The following CPNE8 variants were observed in gnomAD, a reference collection of about 807,000 sequenced individuals.
CPNE8 encodes the protein copine-8.
A neutral mutation model predicts 81.5 loss-of-function variants in CPNE8; 45 were observed. The ratio of observed to expected loss-of-function variants is 0.55; its 90% CI spans 0.44 to 0.71. CPNE8 has a LOEUF of 0.71. Ranked by LOEUF, CPNE8 falls within the 30% of genes least tolerant of loss-of-function variation. The pLI, the probability that CPNE8 is intolerant of heterozygous loss-of-function variation, is 0.00. For missense variants in CPNE8, 594 were observed against 672.1 expected (o/e 0.88, Z 1.28); for synonymous variants, 252 against 226.3 (o/e 1.11, Z -1.02).
At chr12:38,830,895 C>T (rs1943275828) in intron 5 of CPNE8, among the ~76,000 whole-genome samples, 1 of 152,112 alleles carries the variant, frequency 6.6e-6, no homozygotes, top group African/African-American at 2.4e-5. Flanking sequence ...TATGCCAAGC[C>T]ATGCTGCCTC....
At chr12:38,831,589 A>T (rs1298119833) in intron 5 of CPNE8, among the ~76,000 whole-genome samples, 2 of 152,266 alleles carry the variant, frequency 1.3e-5, no homozygotes, top group Non-Finnish European at 2.9e-5. Flanking sequence ...ATTAAACTGC[A>T]AATCACTTTA....
At chr12:38,794,821 G>A (rs1368931772) in intron 6 of CPNE8, among the ~76,000 whole-genome samples, 1 of 152,132 alleles carries the variant, frequency 6.6e-6, no homozygotes, top group South Asian at 2.1e-4. Context: ...TATTGTTGCT[G>A]GGAGTGTCTG....
At chr12:38,714,039 C>T (rs1033830872) in intron 13 of CPNE8, among the ~76,000 whole-genome samples, 7 of 151,922 alleles carry the variant, frequency 4.6e-5, no homozygotes, top group Non-Finnish European at 8.8e-5. Context: ...TCCTTAGTTA[C>T]GGGGATGGGG....
At chr12:38,791,634 G>T (rs1354604410) in intron 6 of CPNE8, among the ~76,000 whole-genome samples, 1 of 151,394 alleles carries the variant, frequency 6.6e-6, no homozygotes, top group Non-Finnish European at 1.5e-5. Flanking sequence ...AAAACAGAAA[G>T]AAAATAATAT....
chr12:38,851,642 T>C (rs756896453), intron 3 of CPNE8, among the ~76,000 whole-genome samples: 15 of 152,236 alleles, frequency 9.9e-5, no homozygotes, highest in Non-Finnish European at 2.2e-4. Context: ...CCTCCTAACT[T>C]ACATTTCTGC....
chr12:38,790,401 C>G (rs1942294206), intron 6 of CPNE8, among the ~76,000 whole-genome samples: 1 of 151,532 alleles, frequency 6.6e-6, no homozygotes, highest in South Asian at 2.1e-4. Flanking sequence ...AACAATTGAG[C>G]TCATAAGACA....
At chr12:38,777,250 CA>C (rs563156425) in intron 6 of CPNE8, among the ~76,000 whole-genome samples, 213 of 147,254 alleles carry the variant, frequency 1.4e-3, no homozygotes, top group African/African-American at 5.2e-3. Context: ...TAGTTTTTAA[CA>C]AAAAAAAGTT....
At chr12:38,771,777 C>G (rs1941810207) in intron 7 of CPNE8, among the ~76,000 whole-genome samples, 1 of 152,068 alleles carries the variant, frequency 6.6e-6, no homozygotes, top group African/African-American at 2.4e-5. Context: ...GGATATGATA[C>G]AAAAGCATAG....
chr12:38,798,981 T>C (rs953817986), intron 6 of CPNE8, among the ~76,000 whole-genome samples: 2 of 152,126 alleles, frequency 1.3e-5, no homozygotes, highest in Non-Finnish European at 2.9e-5. Context: ...AAGGGATCAA[T>C]TCAATAAGAA....
chr12:38,656,322 T>TAC lies in CPNE8; in HGVS notation c.1507-2253_1507-2252insGT, dbSNP rs1565556212. Among the ~76,000 whole-genome samples, 4 of 28,476 alleles carry TAC rather than the reference T, an allele frequency of 1.4e-4. No homozygotes were observed. The Admixed American group carries it at 2.4e-3, about 17-fold the overall frequency. The allele number at this position is 28,476 out of a possible 152,430, so 18.7% of individuals were successfully genotyped here. A position where few individuals can be genotyped will look rare whatever the true frequency, so the allele number is the denominator to read the frequency against. On this transcript the variant is annotated intron_variant, in intron 19 of 19. Transcript: ENST00000331366. ...AGTATACATGCAGTGGTCTTTAGAC[T>TAC]TTTTTTTTTTTTTGAAGAGTTTTTT...
chr12:38,674,254 C>A (rs2136646755), intron 18 of CPNE8, among the ~76,000 whole-genome samples: 1 of 152,132 alleles, frequency 6.6e-6, no homozygotes, highest in Non-Finnish European at 1.5e-5. Context: ...AGTGGCTTTG[C>A]ATTTATGAAT....
At chr12:38,701,151 A>T (rs573920042) in intron 14 of CPNE8, among the ~76,000 whole-genome samples, 1 of 152,182 alleles carries the variant, frequency 6.6e-6, no homozygotes, top group Non-Finnish European at 1.5e-5. Flanking sequence ...GCTGGGAAGT[A>T]ACCTTCTTTC....
At chr12:38,791,732 A>G (rs1942328280) in intron 6 of CPNE8, among the ~76,000 whole-genome samples, 1 of 151,684 alleles carries the variant, frequency 6.6e-6, no homozygotes, top group African/African-American at 2.4e-5. Context: ...CTATAGACCA[A>G]CTGGACTTAA....
At chr12:38,784,414 TA>T (rs1306564943) in intron 6 of CPNE8, among the ~76,000 whole-genome samples, 1 of 152,072 alleles carries the variant, frequency 6.6e-6, no homozygotes, top group Non-Finnish European at 1.5e-5. Flanking sequence ...ACTGGCCTTT[TA>T]AAAAGGAGGC....
chr12:38,664,204 A>C (rs1399039180), intron 19 of CPNE8, among the ~76,000 whole-genome samples: 1 of 152,134 alleles, frequency 6.6e-6, no homozygotes, highest in South Asian at 2.1e-4. Context: ...TATACATTGC[A>C]TACATGTAAT....
chr12:38,660,051 A>G (rs1415803581), intron 19 of CPNE8, among the ~76,000 whole-genome samples: 2 of 152,254 alleles, frequency 1.3e-5, no homozygotes, highest in Non-Finnish European at 2.9e-5. Flanking sequence ...AAGGCAATTT[A>G]TAGATTCAAT....
rs761779557 is a variant in CPNE8 at position 38,857,789 on chromosome 12, G to A, written c.187-9127C>T. Among the ~76,000 whole-genome samples, 14 of 152,224 alleles carry A rather than the reference G, an allele frequency of 9.2e-5. No individual in the cohort carries two copies. In the South Asian group the frequency reaches 2.3e-3, roughly 25 times the overall value. ...CAGGCACCTGTAATCTCAGCTACTC[G>A]GGAGGCTGAGGCAGGAGAATTGCTT... On this transcript the variant is annotated intron_variant, in intron 3 of 19. Transcript: ENST00000331366.
chr12:38,830,986 C>T (rs987461712), intron 5 of CPNE8, among the ~76,000 whole-genome samples: 1 of 152,082 alleles, frequency 6.6e-6, no homozygotes, highest in Non-Finnish European at 1.5e-5. Flanking sequence ...CTATGTTCTT[C>T]AGTGTTGGAG....
intron 10 of CPNE8, among the ~76,000 whole-genome samples, chr12:38,735,141 T>G (rs1472935569): frequency 6.6e-6 from 1 of 152,078 alleles, no homozygotes; most frequent in East Asian, 1.9e-4. Context: ...TTGTCTCTCA[T>G]TTGTACTTCA....
Sources: allele counts gnomAD v4.1 joint callset (sites outside exome capture counted in the v4.1 genomes callset), GRCh38; gene constraint gnomAD v4.1.1; transcripts MANE v1.5; gene names NCBI Gene and HGNC (gene_info 2026-07-23, HGNC 2026-07-21).